GRIK1: variants seen among roughly 807,000 people sequenced by gnomAD.
GRIK1 encodes glutamate ionotropic receptor kainate type subunit 1.
In GRIK1, 69 loss-of-function variants were observed where a neutral mutation model predicts 105.7. The observed-to-expected ratio is 0.65, with a 90% confidence interval of 0.54 to 0.80. GRIK1 has a LOEUF of 0.80. Among genes scored for constraint, GRIK1 ranks in the 30% least tolerant of loss-of-function variants. GRIK1 has a pLI of 0.00. For synonymous variants in GRIK1, 438 were observed against 431.3 expected, an observed-to-expected ratio of 1.02 and a Z score of -0.19; for missense variants, 1,109 against 1,167.3, an observed-to-expected ratio of 0.95 and a Z score of 0.73.
At chr21:29,748,650 A>G (rs1051971370) in intron 1 of GRIK1, among the ~76,000 whole-genome samples, 2 of 152,244 alleles carry the variant, frequency 1.3e-5, no homozygotes, top group African/African-American at 4.8e-5. Context: ...ATAAAATCCA[A>G]ATTTCAAAAT....
chr21:29,723,418 T>C (rs1300622481), intron 1 of GRIK1, among the ~76,000 whole-genome samples: 6 of 152,250 alleles, frequency 3.9e-5, no homozygotes, highest in Non-Finnish European at 2.9e-5. Context: ...TTTAGTAAGC[T>C]ATTGAGCTAT....
chr21:29,678,683 T>C (rs1001245576), intron 3 of GRIK1, among the ~76,000 whole-genome samples: 1 of 152,200 alleles, frequency 6.6e-6, no homozygotes, highest in Non-Finnish European at 1.5e-5. Flanking sequence ...TTTTTGATAT[T>C]GAGTGTAAAG....
chr21:29,589,658 C>T (rs1482454463), intron 10 of GRIK1, among the ~76,000 whole-genome samples: 3 of 151,976 alleles, frequency 2.0e-5, no homozygotes, highest in Admixed American at 2.0e-4. Context: ...GATCTCCTGA[C>T]CTCGTGATCC....
At chr21:29,584,639 C>T (rs1162507331) in intron 12 of GRIK1, among the ~76,000 whole-genome samples, 1 of 152,132 alleles carries the variant, frequency 6.6e-6, no homozygotes, top group Non-Finnish European at 1.5e-5. Context: ...TGCTTAAATG[C>T]AGTGATGGGG....
chr21:29,558,482 A>G (rs2090313047), intron 15 of GRIK1, among the ~76,000 whole-genome samples: 1 of 151,738 alleles, frequency 6.6e-6, no homozygotes, highest in Non-Finnish European at 1.5e-5. Context: ...CAACAGCTGT[A>G]TTCTCAATGG....
intron 1 of GRIK1, among the ~76,000 whole-genome samples, chr21:29,879,606 G>C (rs1462014214): frequency 6.6e-6 from 1 of 152,072 alleles, no homozygotes; most frequent in African/African-American, 2.4e-5. Context: ...TTAAAACCTG[G>C]TAATTGTAAC....
rs145962538 is a variant in GRIK1 at position 29,618,880 on chromosome 21, C to A, written c.1099-19943G>T. Among the ~76,000 whole-genome samples, 1,250 of 152,258 alleles carry A rather than the reference C, an allele frequency of 8.2e-3. 12 individuals carry two copies. The highest frequency in any genetic ancestry group is 0.029 in the African/African-American group (1,188 of 41,538). On this transcript the variant is annotated intron_variant, in intron 7 of 17. Transcript: ENST00000327783. ...CGGTGGCTCACGACTGTAATCCCAG[C>A]ACTTTGGGAGGCCGAGGTGGGCAGA...
chr21:29,828,885 C>A (rs1346221086), intron 1 of GRIK1, among the ~76,000 whole-genome samples: 1 of 152,102 alleles, frequency 6.6e-6, no homozygotes, highest in Non-Finnish European at 1.5e-5. Context: ...TTCAGTAATG[C>A]TGAAAACTTG....
intron 1 of GRIK1, among the ~76,000 whole-genome samples, chr21:29,875,850 T>C (rs1027683509): frequency 1.3e-5 from 2 of 152,182 alleles, no homozygotes; most frequent in African/African-American, 4.8e-5. Flanking sequence ...TGGAGGTTCT[T>C]TGTTTTAGCT....
At chr21:29,762,367 T>A (rs1046203006) in intron 1 of GRIK1, among the ~76,000 whole-genome samples, 6 of 152,224 alleles carry the variant, frequency 3.9e-5, no homozygotes, top group African/African-American at 1.4e-4. Flanking sequence ...TTTCTCTCAT[T>A]TTTAAAATGA....
intron 1 of GRIK1, among the ~76,000 whole-genome samples, chr21:29,937,798 T>TA (rs2071819943): frequency 1.2e-4 from 1 of 8,198 alleles, no homozygotes; most frequent in Admixed American, 1.5e-3. Context: ...GTTCAGAATA[T>TA]TTTTTTTTTT....
chr21:29,615,384 A>T (rs1251318340), intron 7 of GRIK1, among the ~76,000 whole-genome samples: 2 of 151,898 alleles, frequency 1.3e-5, no homozygotes, highest in African/African-American at 4.8e-5. Context: ...ATCTCTGCTC[A>T]CTGTAACTTC....
intron 16 of GRIK1, among the ~76,000 whole-genome samples, chr21:29,551,148 C>A (rs1306782904): frequency 6.6e-6 from 1 of 152,174 alleles, no homozygotes; most frequent in Non-Finnish European, 1.5e-5. Flanking sequence ...GTGCTGAATA[C>A]TTTTCTACTT....
At chr21:29,600,583 A>C (rs552145267) in intron 7 of GRIK1, among the ~76,000 whole-genome samples, 1 of 152,342 alleles carries the variant, frequency 6.6e-6, no homozygotes, top group Non-Finnish European at 1.5e-5. Context: ...AAGATTCTGA[A>C]GAATTACACT....
chr21:29,662,136 A>G (rs970390274), intron 4 of GRIK1, among the ~76,000 whole-genome samples: 1 of 152,236 alleles, frequency 6.6e-6, no homozygotes, highest in Non-Finnish European at 1.5e-5. Context: ...AGGAGAAAGG[A>G]AGCTCATACT....
chr21:29,605,470 T>C (rs918236254), intron 7 of GRIK1, among the ~76,000 whole-genome samples: 10 of 152,212 alleles, frequency 6.6e-5, no homozygotes, highest in African/African-American at 1.9e-4. Flanking sequence ...CTATCATTGA[T>C]GGGCAATTGG....
chr21:29,768,751 A>G (rs937366025), intron 1 of GRIK1, among the ~76,000 whole-genome samples: 1 of 152,066 alleles, frequency 6.6e-6, no homozygotes, highest in African/African-American at 2.4e-5. Context: ...GTCTCCTAAA[A>G]CCAGATTTGA....
rs368038148 is a variant in GRIK1 at position 29,593,184 on chromosome 21, TAA to T, written c.1252-1961_1252-1960del. Among the ~76,000 whole-genome samples, 52 of 152,268 alleles carry T rather than the reference TAA, an allele frequency of 3.4e-4. No homozygotes were observed. The East Asian group carries it at 9.5e-3, about 28-fold the overall frequency. ...AATGAGGGTTAGTTGACTGGAGAAA[TAA>T]AGAGACAGGTATAGGTAAATGGGGG... On this transcript the variant is annotated intron_variant, in intron 9 of 17. Coordinates refer to ENST00000327783, the MANE Select transcript of GRIK1 (RefSeq NM_001330994.2).
intron 1 of GRIK1, among the ~76,000 whole-genome samples, chr21:29,894,447 G>A (rs996788547): frequency 2.6e-5 from 4 of 152,112 alleles, no homozygotes; most frequent in African/African-American, 9.7e-5. Flanking sequence ...GAAGGATGAA[G>A]GCCAGAAGAC....
Sources: gnomAD v4.1 joint callset for allele counts (sites outside exome capture counted in the v4.1 genomes callset) on GRCh38, gnomAD v4.1.1 for gene constraint, MANE v1.5 for transcripts, NCBI Gene and HGNC (gene_info 2026-07-23, HGNC 2026-07-21) for gene names.